The following DNAH7 variants were observed in gnomAD, a reference collection of about 807,000 sequenced individuals.
DNAH7 encodes the protein axonemal beta dynein heavy chain 7.
DNAH7 carries 397 observed loss-of-function variants against 444.6 expected under a neutral mutation model. The ratio of observed to expected loss-of-function variants is 0.89; its 90% CI spans 0.82 to 0.97. The LOEUF is 0.97. Ranked by LOEUF, DNAH7 falls within the 50% of genes least tolerant of loss-of-function variation. The probability of loss-of-function intolerance (pLI) is 0.00; values close to 1 mark genes in which losing one functional copy is unlikely to be tolerated. For synonymous variants in DNAH7, 1,636 were observed against 1,624.4 expected, an observed-to-expected ratio of 1.01 and a Z score of -0.17; for missense variants, 4,902 against 4,800.8, an observed-to-expected ratio of 1.02 and a Z score of -0.62.
At chr2:195,779,821 G>T (rs1227386632) in intron 58 of DNAH7, among the ~76,000 whole-genome samples, 2 of 152,058 alleles carry the variant, frequency 1.3e-5, no homozygotes, top group Non-Finnish European at 2.9e-5. Context: ...GCCCAGGCTG[G>T]CCTCGAACTC....
chr2:195,906,327 A>G (rs1166744858), intron 27 of DNAH7, among the ~76,000 whole-genome samples: 3 of 151,928 alleles, frequency 2.0e-5, no homozygotes, highest in Non-Finnish European at 2.9e-5. Context: ...TTCTAAAACA[A>G]TTTTCTAAAA....
At chr2:195,743,183 C>T (rs1411306024) in intron 63 of DNAH7, among the ~76,000 whole-genome samples, 1 of 152,238 alleles carries the variant, frequency 6.6e-6, no homozygotes, top group Non-Finnish European at 1.5e-5. Context: ...GCCAGGGGCT[C>T]TTGGGCCTGC....
Position 195,988,125 on chromosome 2 carries a change from T to C in DNAH7, c.1458A>G (p.Ala486=). The change falls in exon 13 of 65, where the codon GCA becomes GCG. Residue 486 remains alanine, a synonymous_variant. Transcript: ENST00000312428. ...IKEVIMKESV[A]PTEHLRLYDK... ...CATAGAGTCTGAGGTGCTCAGTAGG[T>C]GCCACACTCTCTTTCATAATAACTT... The C allele has an allele frequency of 6.2e-7, 1 of 1,613,756 alleles. No individual in the cohort carries two copies. Among genetic ancestry groups the C allele is most frequent in the East Asian group, 2.2e-5 (1 of 44,850 alleles).
chr2:195,930,062 A>G (rs1416451212), intron 21 of DNAH7, among the ~76,000 whole-genome samples: 1 of 152,176 alleles, frequency 6.6e-6, no homozygotes, highest in Non-Finnish European at 1.5e-5. Context: ...AATGAGCAGC[A>G]GGCCAGGTGC....
At chr2:195,945,709 C>T (rs1483981259) in intron 19 of DNAH7, among the ~76,000 whole-genome samples, 1 of 151,932 alleles carries the variant, frequency 6.6e-6, no homozygotes, top group Non-Finnish European at 1.5e-5. Flanking sequence ...AGAATGAGTA[C>T]TAAGTTTTTG....
intron 58 of DNAH7, among the ~76,000 whole-genome samples, chr2:195,783,526 G>A (rs1695484900): frequency 6.6e-6 from 1 of 152,010 alleles, no homozygotes; most frequent in East Asian, 1.9e-4. Context: ...CCTTCTCTGG[G>A]TGTGTTCAGA....
intron 49 of DNAH7, among the ~76,000 whole-genome samples, chr2:195,821,523 G>C (rs1461743905): frequency 6.6e-6 from 1 of 152,118 alleles, no homozygotes; most frequent in South Asian, 2.1e-4. Flanking sequence ...TGGGTGGCAG[G>C]GAGACAAGTC....
intron 1 of DNAH7, among the ~76,000 whole-genome samples, chr2:196,067,622 T>C (rs1005235607): frequency 3.9e-5 from 6 of 152,232 alleles, no homozygotes; most frequent in African/African-American, 1.4e-4. Flanking sequence ...ATTAATTACT[T>C]ATTTGATGAA....
rs977385773 is a variant in DNAH7, at chr2:195,754,533, G to C, written c.11587-19C>G. The C allele has an allele frequency of 6.2e-7, 1 of 1,610,520 alleles. No homozygotes were observed. The highest frequency in any genetic ancestry group is 1.3e-5 in the African/African-American group (1 of 74,740). ...ACCATTGCTAGGGTGTAAAACACAAGTGGGCTAACAGTAGCACCTTTCAAC... is the reference window on the plus strand; with the variant it reads ...ACCATTGCTAGGGTGTAAAACACAACTGGGCTAACAGTAGCACCTTTCAAC... On this transcript the variant is annotated intron_variant, in intron 62 of 64. Coordinates refer to ENST00000312428, the MANE Select transcript of DNAH7 (RefSeq NM_018897.3).
chr2:195,945,196 G>C, intron 19 of DNAH7, among the ~76,000 whole-genome samples: 1 of 152,094 alleles, frequency 6.6e-6, no homozygotes, highest in East Asian at 1.9e-4. Context: ...AGGGAATAAA[G>C]TGATTACAAA....
chr2:195,797,670 T>C (rs1040112294), intron 55 of DNAH7, among the ~76,000 whole-genome samples: 3 of 152,214 alleles, frequency 2.0e-5, no homozygotes, highest in African/African-American at 7.2e-5. Flanking sequence ...GGACTTTCAA[T>C]AGCCAACGCC....
At chr2:195,956,361 A>G (rs1690653367) in intron 19 of DNAH7, among the ~76,000 whole-genome samples, 2 of 152,194 alleles carry the variant, frequency 1.3e-5, no homozygotes, top group Admixed American at 1.3e-4. Flanking sequence ...CAGTGAATAA[A>G]TGTATTCTGC....
At chr2:195,988,971 A>G (rs764402004) in intron 12 of DNAH7, among the ~76,000 whole-genome samples, 5 of 152,182 alleles carry the variant, frequency 3.3e-5, no homozygotes, top group Non-Finnish European at 7.3e-5. Flanking sequence ...TTCACTTAAC[A>G]TAATGCCCTC....
intron 35 of DNAH7, among the ~76,000 whole-genome samples, chr2:195,882,792 C>T (rs1191311211): frequency 6.6e-6 from 1 of 152,052 alleles, no homozygotes; most frequent in Non-Finnish European, 1.5e-5. Context: ...AATTCGGACC[C>T]ATCCTTCCTT....
intron 48 of DNAH7, among the ~76,000 whole-genome samples, chr2:195,828,269 T>C (rs774756724): frequency 1.3e-5 from 2 of 152,160 alleles, no homozygotes; most frequent in African/African-American, 2.4e-5. Context: ...ATAAGTTTCA[T>C]AGGTTGAAAC....
chr2:195,785,437 A>ATT (rs1695572877), intron 58 of DNAH7, among the ~76,000 whole-genome samples: 1 of 152,074 alleles, frequency 6.6e-6, no homozygotes, highest in Non-Finnish European at 1.5e-5. Context: ...TGTCGAAAGC[A>ATT]GTAGTGAGAA....
At chr2:195,828,743 T>C (rs1451531239) in intron 48 of DNAH7, among the ~76,000 whole-genome samples, 7 of 151,892 alleles carry the variant, frequency 4.6e-5, no homozygotes, top group African/African-American at 1.7e-4. Context: ...TATTTTGGTG[T>C]GAAGTGAGAC....
At chr2:195,922,223 T>C (rs1167159988) in intron 23 of DNAH7, 26 bp from the exon 24 acceptor site, 2 of 1,345,638 alleles carry the variant, frequency 1.5e-6, no homozygotes, top group Admixed American at 1.7e-5. Context: ...TAAAATGAAG[T>C]TAAACAATAA....
chr2:195,739,170 TGAAA>T (rs572979328), intron 64 of DNAH7, among the ~76,000 whole-genome samples: 4 of 152,348 alleles, frequency 2.6e-5, no homozygotes, highest in East Asian at 1.9e-4. Flanking sequence ...AGTTTCCATG[TGAAA>T]GAAAGACTAA....
Sources: allele counts gnomAD v4.1 joint callset (sites outside exome capture counted in the v4.1 genomes callset), GRCh38; gene constraint gnomAD v4.1.1; transcripts MANE v1.5; gene names NCBI Gene and HGNC (gene_info 2026-07-23, HGNC 2026-07-21).